The following EPM2A variants were observed in gnomAD, a reference collection of about 807,000 sequenced individuals.
EPM2A encodes laforin.
Under a neutral mutation model 26.5 loss-of-function variants are expected in EPM2A, and 21 were observed. That is an observed-to-expected ratio of 0.79 (90% CI 0.56 to 1.14). The LOEUF is 1.14. EPM2A is among the 50% of genes most tolerant of loss of function. EPM2A has a pLI of 0.00. For synonymous variants in EPM2A, 217 were observed against 177.6 expected, an observed-to-expected ratio of 1.22 and a Z score of -1.76; for missense variants, 458 against 440.8, an observed-to-expected ratio of 1.04 and a Z score of -0.35.
intron 2 of EPM2A, among the ~76,000 whole-genome samples, chr6:145,590,258 G>T (rs973683219): frequency 1.3e-5 from 2 of 152,020 alleles, no homozygotes; most frequent in Non-Finnish European, 2.9e-5. Flanking sequence ...AGAGCCAAGA[G>T]AAACTCCCCT....
intron 4 of EPM2A, among the ~76,000 whole-genome samples, chr6:145,438,645 T>C (rs1779020261): frequency 6.6e-6 from 1 of 151,982 alleles, no homozygotes; most frequent in Admixed American, 6.6e-5. Context: ...AGCTAATTTT[T>C]GTATTTTTAG....
At chr6:145,606,810 A>G (rs1241069239) in intron 2 of EPM2A, among the ~76,000 whole-genome samples, 1 of 152,168 alleles carries the variant, frequency 6.6e-6, no homozygotes, top group Non-Finnish European at 1.5e-5. Flanking sequence ...TAAAATGGAC[A>G]CTGGGCCTAG....
At chr6:145,669,228 C>T (rs1779469344) in intron 2 of EPM2A, among the ~76,000 whole-genome samples, 2 of 152,072 alleles carry the variant, frequency 1.3e-5, no homozygotes, top group African/African-American at 2.4e-5. Context: ...GTTCATGTTT[C>T]ATAAAAAAGT....
Position 145,527,267 on chromosome 6 carries a change from T to A in EPM2A, c.341-24692A>T, listed in dbSNP as rs140531494. Among the ~76,000 whole-genome samples, 439 of 152,266 alleles carry A rather than the reference T, an allele frequency of 2.9e-3. 1 individual carries two copies. Among genetic ancestry groups the A allele is most frequent in the African/African-American group, 0.01 (424 of 41,562 alleles). The stretch of plus-strand genomic sequence containing the variant: ...ATGAGAAGAATGTATATTCTGCGGT[T>A]GATGGGTGGAGTGTTCTGTAAATGT... On this transcript the variant is annotated intron_variant, in intron 2 of 3. Transcript: ENST00000450221.
intron 4 of EPM2A, among the ~76,000 whole-genome samples, chr6:145,408,395 T>C (rs886871551): frequency 7.9e-5 from 12 of 152,176 alleles, no homozygotes; most frequent in East Asian, 1.9e-4. Flanking sequence ...AGTTCATGAA[T>C]TGATTTTCTC....
intron 2 of EPM2A, among the ~76,000 whole-genome samples, chr6:145,550,020 G>A (rs1016797765): frequency 3.3e-5 from 5 of 152,112 alleles, no homozygotes; most frequent in Non-Finnish European, 7.4e-5. Context: ...GAGTCCAGTA[G>A]AACCGAAAGT....
intron 4 of EPM2A, among the ~76,000 whole-genome samples, chr6:145,455,452 G>A (rs899026821): frequency 6.6e-6 from 1 of 152,098 alleles, no homozygotes; most frequent in Non-Finnish European, 1.5e-5. Context: ...CCGCCTCCTG[G>A]GTTCAAGTGA....
chr6:145,389,629 C>G (rs772002127), intron 4 of EPM2A, among the ~76,000 whole-genome samples: 1 of 152,172 alleles, frequency 6.6e-6, no homozygotes, highest in Non-Finnish European at 1.5e-5. Flanking sequence ...AGAAACAATG[C>G]CTAGCACATA....
chr6:145,646,671 A>G (rs1292337), intron 2 of EPM2A, among the ~76,000 whole-genome samples: 80,666 of 151,368 alleles, frequency 0.53, 22,073 homozygotes, highest in East Asian at 0.67. Context: ...CAATTTATAC[A>G]CTCCTAGATA....
At chr6:145,403,226 C>G (rs1341341889) in intron 4 of EPM2A, among the ~76,000 whole-genome samples, 1 of 152,038 alleles carries the variant, frequency 6.6e-6, no homozygotes, top group Non-Finnish European at 1.5e-5. Flanking sequence ...AAACATTTAT[C>G]CTTTGAGTTA....
chr6:145,540,190 A>G (rs2114793337), intron 2 of EPM2A, among the ~76,000 whole-genome samples: 1 of 152,210 alleles, frequency 6.6e-6, no homozygotes, highest in Admixed American at 6.5e-5. Flanking sequence ...TTCAATGACA[A>G]TTGTCTCCTG....
At chr6:145,679,052 A>T (rs1780294315) in intron 2 of EPM2A, among the ~76,000 whole-genome samples, 1 of 152,326 alleles carries the variant, frequency 6.6e-6, no homozygotes, top group Non-Finnish European at 1.5e-5. Flanking sequence ...CATATACATC[A>T]TGGAATACCA....
At chr6:145,642,892 T>C (rs1472033957) in intron 2 of EPM2A, among the ~76,000 whole-genome samples, 1 of 152,164 alleles carries the variant, frequency 6.6e-6, no homozygotes, top group African/African-American at 2.4e-5. Context: ...ATAAAAGCAA[T>C]GAAAAACCAA....
intron 1 of EPM2A, among the ~76,000 whole-genome samples, chr6:145,727,907 C>T (rs1776291773): frequency 6.6e-6 from 1 of 152,134 alleles, no homozygotes; most frequent in Non-Finnish European, 1.5e-5. Context: ...GAAGGAGGGG[C>T]CTGGTGAGAG....
chr6:145,425,685 T>C lies in EPM2A; in HGVS notation c.556-41588A>G, dbSNP rs116453533. Among the ~76,000 whole-genome samples, 1,193 of 152,124 alleles carry C rather than the reference T, an allele frequency of 7.8e-3. 11 individuals carry two copies. Among genetic ancestry groups the C allele is most frequent in the African/African-American group, 0.028 (1,148 of 41,542 alleles). On this transcript the variant is annotated intron_variant, in intron 4 of 4. Coordinates refer to the EPM2A transcript ENST00000638717. Reference sequence around the variant, plus strand: ...TAAATCAAATATTGCATTTGTCATTTACACTTTCGTTATTGTGAAGGCCAG... The same window carrying C: ...TAAATCAAATATTGCATTTGTCATTCACACTTTCGTTATTGTGAAGGCCAG...
At chr6:145,658,987 C>A (rs1300076816) in intron 2 of EPM2A, among the ~76,000 whole-genome samples, 2 of 152,020 alleles carry the variant, frequency 1.3e-5, no homozygotes, top group African/African-American at 4.8e-5. Context: ...ATATAAGAGG[C>A]GTTAGTTAAC....
chr6:145,657,560 T>C (rs1299549975), intron 2 of EPM2A, among the ~76,000 whole-genome samples: 1 of 152,234 alleles, frequency 6.6e-6, no homozygotes, highest in African/African-American at 2.4e-5. Flanking sequence ...ATTTATAATC[T>C]TCTCTGTTTC....
At chr6:145,640,773 G>C (rs1777030820) in intron 2 of EPM2A, 1 of 152,106 alleles carries the variant, frequency 6.6e-6, no homozygotes, top group Non-Finnish European at 1.5e-5. Context: ...TCAACCTCTA[G>C]TAAGCTCCAG....
intron 2 of EPM2A, among the ~76,000 whole-genome samples, chr6:145,529,883 G>A (rs995430026): frequency 6.6e-6 from 1 of 152,078 alleles, no homozygotes; most frequent in Non-Finnish European, 1.5e-5. Context: ...TGTATATGAC[G>A]CCTGAAATAA....
Sources: allele counts gnomAD v4.1 joint callset (sites outside exome capture counted in the v4.1 genomes callset), GRCh38; gene constraint gnomAD v4.1.1; transcripts MANE v1.5; gene names NCBI Gene and HGNC (gene_info 2026-07-23, HGNC 2026-07-21).